PDZRN4: variants seen among roughly 807,000 people sequenced by gnomAD.
PDZRN4 encodes the protein PDZ domain containing ring finger 4, also known as PDZ domain-containing RING finger protein 4.
PDZRN4 carries 70 observed loss-of-function variants against 99.0 expected under a neutral mutation model. The observed-to-expected ratio is 0.71, with a 90% CI of 0.58 to 0.86. The LOEUF is 0.86. Among genes scored for constraint, PDZRN4 ranks in the 40% least tolerant of loss-of-function variants. The pLI is 0.00. For missense variants in PDZRN4, 1,474 were observed against 1,331.2 expected, an observed-to-expected ratio of 1.11 and a Z score of -1.67; for synonymous variants, 551 against 501.6, an observed-to-expected ratio of 1.10 and a Z score of -1.32.
chr12:41,242,482 A>G (rs1278507922), intron 3 of PDZRN4, among the ~76,000 whole-genome samples: 1 of 152,222 alleles, frequency 6.6e-6, no homozygotes, highest in African/African-American at 2.4e-5. Flanking sequence ...TTACACAACT[A>G]TCCACACAAT....
At chr12:41,393,114 T>C (rs1952221315) in intron 3 of PDZRN4, among the ~76,000 whole-genome samples, 2 of 152,200 alleles carry the variant, frequency 1.3e-5, no homozygotes, top group African/African-American at 4.8e-5. Flanking sequence ...TTTCTTTGTT[T>C]CCTTCATTGA....
chr12:41,251,855 C>T (rs1951172682), intron 3 of PDZRN4, among the ~76,000 whole-genome samples: 1 of 152,156 alleles, frequency 6.6e-6, no homozygotes, highest in South Asian at 2.1e-4. Flanking sequence ...GTGGCTCACG[C>T]CTGTAATCCC....
chr12:41,437,426 A>G (rs1457068047), intron 3 of PDZRN4, among the ~76,000 whole-genome samples: 3 of 152,158 alleles, frequency 2.0e-5, no homozygotes, highest in Admixed American at 2.0e-4. Context: ...GCTTATATCA[A>G]TGGAGAAATT....
intron 3 of PDZRN4, among the ~76,000 whole-genome samples, chr12:41,394,837 C>CGA (rs141770387): frequency 2.5e-4 from 38 of 149,056 alleles, no homozygotes; most frequent in Middle Eastern, 3.4e-3. Context: ...AAAGAGAGGG[C>CGA]GAGAGAGAGA....
intron 3 of PDZRN4, among the ~76,000 whole-genome samples, chr12:41,436,198 A>G (rs148005076): frequency 6.6e-6 from 1 of 152,164 alleles, no homozygotes; most frequent in Non-Finnish European, 1.5e-5. Context: ...TTATGATGCC[A>G]CTTTCATGTA....
chr12:41,459,778 A>G lies in PDZRN4; in HGVS notation c.844-46678A>G, dbSNP rs115457954. Reference sequence around the variant, plus strand: ...AATTAAATGTAGTTCACATGTCACAATGCATGGAACAGATTGATTTTTGAA... The same window carrying G: ...AATTAAATGTAGTTCACATGTCACAGTGCATGGAACAGATTGATTTTTGAA... On this transcript the variant is annotated intron_variant, in intron 3 of 9. Transcript: ENST00000402685. 8.7e-3 allele frequency among the ~76,000 whole-genome samples: 1,320 copies of G among 152,322 alleles called. 22 individuals carry two copies. The highest frequency in any genetic ancestry group is 0.03 in the African/African-American group (1,267 of 41,580).
At position 41,546,451 on chromosome 12, in the gene PDZRN4, G is replaced by A. The variant is rs115676027; in HGVS notation, c.1204-6205G>A. On this transcript the variant is annotated intron_variant, in intron 5 of 9. Coordinates refer to ENST00000402685, the MANE Select transcript of PDZRN4 (RefSeq NM_001164595.2). ...ATTTTGAACTGGGAATATTCATGATGTGTGAAAAATCATGATACATACTGT... is the reference window on the plus strand; with the variant it reads ...ATTTTGAACTGGGAATATTCATGATATGTGAAAAATCATGATACATACTGT... 5.4e-3 allele frequency among the ~76,000 whole-genome samples: 819 copies of A among 152,262 alleles called. 6 individuals are homozygous for A. Among genetic ancestry groups the A allele is most frequent in the African/African-American group, 0.018 (761 of 41,540 alleles).
intron 3 of PDZRN4, among the ~76,000 whole-genome samples, chr12:41,468,421 G>C (rs2120558406): frequency 6.6e-6 from 1 of 152,230 alleles, no homozygotes; most frequent in East Asian, 1.9e-4. Context: ...GTATACCAAA[G>C]CCCAAAACTA....
chr12:41,224,092 G>A (rs1950976860), intron 3 of PDZRN4, among the ~76,000 whole-genome samples: 1 of 152,214 alleles, frequency 6.6e-6, no homozygotes, highest in African/African-American at 2.4e-5. Context: ...GCCAGGCAAA[G>A]CTTTGCAATT....
At chr12:41,361,282 TAAA>T (rs1325681721) in intron 3 of PDZRN4, among the ~76,000 whole-genome samples, 9 of 152,078 alleles carry the variant, frequency 5.9e-5, no homozygotes, top group African/African-American at 2.2e-4. Flanking sequence ...AATTTTAAAA[TAAA>T]GTCATTGGAA....
intron 3 of PDZRN4, among the ~76,000 whole-genome samples, chr12:41,360,734 C>T (rs932975060): frequency 4.0e-5 from 6 of 151,862 alleles, no homozygotes; most frequent in Non-Finnish European, 8.8e-5. Context: ...AGAAGCTTGA[C>T]TAAAAATTAC....
rs1433898238 is a variant in PDZRN4, at chr12:41,228,944, C to A, written c.843+34756C>A. Among the ~76,000 whole-genome samples the A allele has an allele frequency of 2.0e-5, 3 of 152,026 alleles. No individual in the cohort carries two copies. The East Asian group carries it at 5.9e-4, about 30-fold the overall frequency. ...GAAGTGTTTATGCTGGAGTATCAGC[C>A]TGGATGGGATTTAACGCTTAGATTC... is the stretch of plus-strand genomic sequence containing the variant. On this transcript the variant is annotated intron_variant, in intron 3 of 9. Coordinates refer to ENST00000402685, the MANE Select transcript of PDZRN4 (RefSeq NM_001164595.2).
In PDZRN4 at chr12:41,572,407, C is replaced by T; in HGVS notation, c.1628C>T (p.Thr543Ile). 6.2e-7 allele frequency: 1 copy of T among 1,614,096 alleles called. No individual in the cohort carries two copies. The change falls in exon 10 of 10, where the codon ACA (threonine) becomes ATA (isoleucine). Residue 543 changes from threonine (T) to isoleucine (I), a missense_variant. By Grantham distance (89) the Thr-to-Ile change is moderately conservative. Coordinates refer to ENST00000402685, the MANE Select transcript of PDZRN4 (RefSeq NM_001164595.2). ...EEEEGTTDTA[T>I]SSSNNHEKDS... ...GAAGAAGGCACAACAGACACTGCAA[C>T]ATCCTCATCCAACAACCATGAGAAG...
At chr12:41,290,453 T>A (rs1951450664) in intron 3 of PDZRN4, among the ~76,000 whole-genome samples, 1 of 152,184 alleles carries the variant, frequency 6.6e-6, no homozygotes, top group African/African-American at 2.4e-5. Context: ...TTTGCCATTT[T>A]ATTTAGGAAA....
intron 3 of PDZRN4, among the ~76,000 whole-genome samples, chr12:41,361,022 T>C (rs1011727106): frequency 6.6e-5 from 10 of 151,946 alleles, no homozygotes; most frequent in Admixed American, 1.3e-4. Context: ...ATGCAATATA[T>C]ACAAATGCAT....
At chr12:41,201,190 C>T (rs1431105) in intron 3 of PDZRN4, among the ~76,000 whole-genome samples, 105,322 of 150,512 alleles carry the variant, frequency 0.7, 37,018 homozygotes, top group South Asian at 0.76. Flanking sequence ...CCTCTACTAT[C>T]GTTTCGTGAA....
At chr12:41,389,091 G>T (rs1159231639) in intron 3 of PDZRN4, among the ~76,000 whole-genome samples, 1 of 152,062 alleles carries the variant, frequency 6.6e-6, no homozygotes. Context: ...TGTCTCTGCA[G>T]GTACTTAAGA....
At position 41,251,163 on chromosome 12, in the gene PDZRN4, A is replaced by C. The variant is rs147752147; in HGVS notation, c.843+56975A>C. On this transcript the variant is annotated intron_variant, in intron 3 of 9. Coordinates refer to ENST00000402685, the MANE Select transcript of PDZRN4 (RefSeq NM_001164595.2). ...GGTACAATAGTTTTGGTACCCATCA[A>C]GTGGAAAGTTTGCTCAACTTCAATT... Among the ~76,000 whole-genome samples the C allele has an allele frequency of 1.3e-4, 20 of 152,266 alleles. 1 individual carries two copies. The highest frequency in any genetic ancestry group is 4.8e-4 in the African/African-American group (20 of 41,548).
intron 3 of PDZRN4, among the ~76,000 whole-genome samples, chr12:41,493,866 G>A (rs1368267791): frequency 1.4e-5 from 2 of 144,326 alleles, no homozygotes; most frequent in Non-Finnish European, 3.0e-5. Flanking sequence ...CCTCCTTTCT[G>A]AGCTTTTCCT....
Sources: gnomAD v4.1 joint callset for allele counts (sites outside exome capture counted in the v4.1 genomes callset) on GRCh38, gnomAD v4.1.1 for gene constraint, MANE v1.5 for transcripts, NCBI Gene and HGNC (gene_info 2026-07-23, HGNC 2026-07-21) for gene names.